UGT1A8: variants seen among roughly 807,000 people sequenced by gnomAD.
UGT1A8 encodes UDP-glucuronosyltransferase 1A8.
In UGT1A8, 39 loss-of-function variants were observed where a neutral mutation model predicts 45.3. That is an observed-to-expected ratio of 0.86 (90% CI 0.67 to 1.12). The LOEUF (loss-of-function observed/expected upper bound fraction) is 1.12. Ranked by LOEUF, UGT1A8 falls within the 50% of genes most tolerant of loss-of-function variation. The probability of loss-of-function intolerance (pLI) is 0.00; values close to 1 mark genes in which losing one functional copy is unlikely to be tolerated. For missense variants in UGT1A8, 719 were observed against 664.9 expected (o/e 1.08, Z -0.90); for synonymous variants, 275 against 249.2 (o/e 1.10, Z -0.97).
intron 1 of UGT1A8, among the ~76,000 whole-genome samples, chr2:233,737,298 C>T (rs370830407): frequency 3.9e-5 from 6 of 152,366 alleles, no homozygotes; most frequent in South Asian, 4.1e-4. Context: ...TGCCGCCTCA[C>T]AGTTCAATCT....
At chr2:233,670,418 C>G (rs1352140394) in intron 1 of UGT1A8, among the ~76,000 whole-genome samples, 4 of 152,230 alleles carry the variant, frequency 2.6e-5, no homozygotes, top group Middle Eastern at 3.2e-3. Flanking sequence ...TTTTACAGTA[C>G]TAGTCCTTCT....
intron 1 of UGT1A8, among the ~76,000 whole-genome samples, chr2:233,678,442 T>C (rs1163978851): frequency 6.6e-6 from 1 of 151,808 alleles, no homozygotes; most frequent in Non-Finnish European, 1.5e-5. Flanking sequence ...GCAGAAGAGG[T>C]AGAGGAGGTG....
At chr2:233,682,769 C>T (rs2074598452) in intron 1 of UGT1A8, 1 of 1,613,580 alleles carries the variant, frequency 6.2e-7, no homozygotes, top group African/African-American at 1.3e-5. Flanking sequence ...TATCAACTGT[C>T]ATCAGGGAAA....
chr2:233,646,650 C>T (rs1297032531), intron 1 of UGT1A8, among the ~76,000 whole-genome samples: 1 of 152,206 alleles, frequency 6.6e-6, no homozygotes, highest in Non-Finnish European at 1.5e-5. Context: ...AGTCACCTTT[C>T]CTCCAGTTCC....
intron 1 of UGT1A8, chr2:233,693,780 T>C (rs2125556695): frequency 1.2e-6 from 2 of 1,614,220 alleles, no homozygotes; most frequent in East Asian, 2.2e-5. Context: ...AGATATGACT[T>C]TGTGCTTGAA....
At chr2:233,650,725 G>A (rs1448556100) in intron 1 of UGT1A8, among the ~76,000 whole-genome samples, 2 of 151,872 alleles carry the variant, frequency 1.3e-5, no homozygotes, top group African/African-American at 2.4e-5. Context: ...GTTTTGATGG[G>A]GGCTTTTTTC....
chr2:233,753,031 A>G (rs1329655669), intron 1 of UGT1A8, among the ~76,000 whole-genome samples: 1 of 152,134 alleles, frequency 6.6e-6, no homozygotes, highest in African/African-American at 2.4e-5. Context: ...AACACAAAAA[A>G]CTACCATGAA....
intron 1 of UGT1A8, among the ~76,000 whole-genome samples, chr2:233,632,052 T>C (rs2073196013): frequency 6.6e-6 from 1 of 152,228 alleles, no homozygotes; most frequent in Non-Finnish European, 1.5e-5. Flanking sequence ...TTTCTACATA[T>C]GGCTAGCCAG....
At chr2:233,677,389 C>T (rs545851604) in intron 1 of UGT1A8, among the ~76,000 whole-genome samples, 14 of 152,190 alleles carry the variant, frequency 9.2e-5, no homozygotes, top group Non-Finnish European at 1.3e-4. Context: ...GTAGAAAATC[C>T]GCATAGAACT....
In UGT1A8 at chr2:233,767,157, C is replaced by T; in HGVS notation, c.979C>T (p.Pro327Ser). The T allele has an allele frequency of 3.1e-6, 5 of 1,614,012 alleles. No homozygotes were observed. Among genetic ancestry groups the T allele is most frequent in the Non-Finnish European group, 4.2e-6 (5 of 1,179,992 alleles). Reference protein sequence around the residue: ...MAIADALGKIPQTVLWRYTGT... With the variant: ...MAIADALGKISQTVLWRYTGT... ...AATTGCTGATGCTTTGGGCAAAATC[C>T]CTCAGACAGTAAGAAGATTCTATAC... The change falls in exon 2 of 5, where the codon CCT becomes TCT. Residue 327 changes from proline to serine, a missense_variant. Coordinates refer to ENST00000373450, the MANE Select transcript of UGT1A8 (RefSeq NM_019076.5).
At chr2:233,651,131 A>G (rs28969695) in intron 1 of UGT1A8, among the ~76,000 whole-genome samples, 4,571 of 152,296 alleles carry the variant, frequency 0.03, 209 homozygotes, top group African/African-American at 0.1. Flanking sequence ...AGGAGATGCA[A>G]GCCTCTACAA....
chr2:233,627,759 A>T (rs1431488519), intron 1 of UGT1A8, among the ~76,000 whole-genome samples: 1 of 151,398 alleles, frequency 6.6e-6, no homozygotes, highest in Non-Finnish European at 1.5e-5. Flanking sequence ...GGTAGAGCTC[A>T]GCCTATGGTC....
chr2:233,652,569 C>T (rs1030302859), intron 1 of UGT1A8, among the ~76,000 whole-genome samples: 37 of 152,146 alleles, frequency 2.4e-4, no homozygotes, highest in Admixed American at 5.2e-4. Context: ...TTAATATTGT[C>T]TCACTCATAA....
intron 1 of UGT1A8, chr2:233,637,251 T>G (rs1290858915): frequency 6.2e-7 from 1 of 1,613,968 alleles, no homozygotes; most frequent in Admixed American, 1.7e-5. Context: ...CGGCATATGA[T>G]CTCTACAGTC....
intron 1 of UGT1A8, among the ~76,000 whole-genome samples, chr2:233,757,562 G>GTATATATATA (rs1491042837): frequency 2.2e-5 from 2 of 90,868 alleles, no homozygotes; most frequent in Admixed American, 1.0e-4. Flanking sequence ...ATATATATAT[G>GTATATATATA]TATATATGAT....
intron 1 of UGT1A8, among the ~76,000 whole-genome samples, chr2:233,728,922 C>T (rs1370421534): frequency 6.9e-6 from 1 of 145,892 alleles, no homozygotes; most frequent in Non-Finnish European, 1.5e-5. Context: ...TCAAGATAGT[C>T]ATGATCGGTC....
At chr2:233,711,532 G>A (rs1296354324) in intron 1 of UGT1A8, among the ~76,000 whole-genome samples, 12 of 152,124 alleles carry the variant, frequency 7.9e-5, no homozygotes, top group Admixed American at 7.2e-4. Context: ...ACAACTCCCC[G>A]GGAATCATCC....
At chr2:233,696,620 T>C (rs1575459167) in intron 1 of UGT1A8, among the ~76,000 whole-genome samples, 1 of 146,384 alleles carries the variant, frequency 6.8e-6, no homozygotes, top group Non-Finnish European at 1.5e-5. Flanking sequence ...CTTTCTTTCT[T>C]TCTCTTGCTT....
At chr2:233,644,644 T>C (rs1298380136) in intron 1 of UGT1A8, among the ~76,000 whole-genome samples, 1 of 152,186 alleles carries the variant, frequency 6.6e-6, no homozygotes, top group African/African-American at 2.4e-5. Context: ...TGGGTTTCCT[T>C]TCTGCTCTAA....
Sources: gnomAD v4.1 joint callset for allele counts (sites outside exome capture counted in the v4.1 genomes callset) on GRCh38, gnomAD v4.1.1 for gene constraint, MANE v1.5 for transcripts, NCBI Gene and HGNC (gene_info 2026-07-23, HGNC 2026-07-21) for gene names.